TCAF1: variants seen among roughly 807,000 people sequenced by gnomAD.
TCAF1 encodes TRPM8 channel-associated factor 1.
TCAF1 carries 4 observed loss-of-function variants against 27.3 expected under a neutral mutation model. The ratio of observed to expected loss-of-function variants is 0.15; its 90% CI spans 0.07 to 0.34. TCAF1 has a LOEUF of 0.34. Among genes scored for constraint, TCAF1 ranks in the 10% least tolerant of loss-of-function variants. The pLI, the probability that TCAF1 is intolerant of heterozygous loss-of-function variation, is 1.00. For missense variants in TCAF1, 257 were observed against 425.8 expected (o/e 0.60, Z 3.49); for synonymous variants, 105 against 167.1 (o/e 0.63, Z 2.87).
At chr7:143,888,896 T>A (rs1490774739) in intron 1 of TCAF1, among the ~76,000 whole-genome samples, 1 of 152,002 alleles carries the variant, frequency 6.6e-6, no homozygotes, top group East Asian at 1.9e-4. Flanking sequence ...TCACAGAACA[T>A]AGAATAGCCA....
chr7:143,902,060 G>C lies in TCAF1; in HGVS notation c.-114C>G, dbSNP rs150993706. ...CCGCTGTTCCCTGCAGCGCGGGTTC[G>C]GGGCAGTAGCAACCTGCTAGGAGCG... On this transcript the variant is annotated 5_prime_UTR_variant, in exon 1 of 9. Coordinates refer to ENST00000479870, the MANE Select transcript of TCAF1 (RefSeq NM_014719.3). 1 of 152,454 alleles carries C rather than the reference G, an allele frequency of 6.6e-6. No individual in the cohort carries two copies. The highest frequency in any genetic ancestry group is 1.5e-5 in the Non-Finnish European group (1 of 68,118). 9.4% of individuals were successfully genotyped at this position (152,454 alleles called of 1,614,324 possible).
At chr7:143,872,074 C>T (rs1250118111) in intron 2 of TCAF1, among the ~76,000 whole-genome samples, 2 of 67,876 alleles carry the variant, frequency 2.9e-5, no homozygotes, top group Non-Finnish European at 6.1e-5. Context: ...TTAGACAAAG[C>T]CAAACTGAAG....
intron 1 of TCAF1, among the ~76,000 whole-genome samples, chr7:143,897,551 A>AG (rs1437826755): frequency 1.3e-5 from 2 of 152,056 alleles, no homozygotes; most frequent in African/African-American, 4.8e-5. Flanking sequence ...TTCAATTCTG[A>AG]GGGGGGTCAG....
At chr7:143,872,614 TATA>T (rs1325633624) in intron 2 of TCAF1, among the ~76,000 whole-genome samples, 4 of 51,814 alleles carry the variant, frequency 7.7e-5, no homozygotes, top group African/African-American at 2.6e-4. Context: ...TAAAGGTAGC[TATA>T]ATAATGATAC....
At chr7:143,893,837 T>C (rs1157301013) in intron 1 of TCAF1, among the ~76,000 whole-genome samples, 1 of 151,712 alleles carries the variant, frequency 6.6e-6, no homozygotes, top group Non-Finnish European at 1.5e-5. Flanking sequence ...AGGGAAAGAC[T>C]GAAAGTAAAC....
intron 1 of TCAF1, among the ~76,000 whole-genome samples, chr7:143,883,360 A>G (rs1338903646): frequency 1.3e-5 from 2 of 151,926 alleles, no homozygotes; most frequent in Non-Finnish European, 2.9e-5. Flanking sequence ...GGAGAGGTGC[A>G]ACTTTTTATA....
intron 1 of TCAF1, among the ~76,000 whole-genome samples, chr7:143,887,091 TTTC>T (rs1331499872): frequency 3.9e-5 from 6 of 152,126 alleles, no homozygotes; most frequent in African/African-American, 1.4e-4. Flanking sequence ...TGCTGGATCC[TTTC>T]TTATTTCTAC....
chr7:143,876,251 CT>C lies in TCAF1; in HGVS notation c.357del (p.Asp120ThrfsTer15). 2 of 1,614,216 alleles carry C rather than the reference CT, an allele frequency of 1.2e-6. No individual in the cohort carries two copies. The highest frequency in any genetic ancestry group is 1.7e-6 in the Non-Finnish European group (2 of 1,180,040). ...GVDAKVEPEV[K>X]DSLGVYCIDA... ...TCAATACAGTAAACCCCCAGGGAGT[CT>C]TTCACTTCTGGCTCAACCTTTGCAT... On this transcript the variant is annotated frameshift_variant, in exon 2 of 9. Transcript: ENST00000479870. LOFTEE classifies it high-confidence loss of function.
At chr7:143,879,141 A>G (rs1812878009) in intron 1 of TCAF1, among the ~76,000 whole-genome samples, 1 of 152,002 alleles carries the variant, frequency 6.6e-6, no homozygotes. Context: ...TATCTTCCTA[A>G]TCTCTTTCCA....
intron 2 of TCAF1, among the ~76,000 whole-genome samples, chr7:143,865,179 A>T (rs1812122637): frequency 1.8e-5 from 1 of 54,850 alleles, no homozygotes; most frequent in Non-Finnish European, 4.5e-5. Flanking sequence ...TTTTAATTTA[A>T]TGGAGAAGGG....
At chr7:143,859,902 TAA>T in intron 6 of TCAF1, among the ~76,000 whole-genome samples, 1 of 44,122 alleles carries the variant, frequency 2.3e-5, no homozygotes, top group East Asian at 4.5e-4. Flanking sequence ...ATATATTATA[TAA>T]TATATATTAC....
intron 1 of TCAF1, among the ~76,000 whole-genome samples, chr7:143,880,177 C>G (rs991386228): frequency 6.6e-6 from 1 of 152,188 alleles, no homozygotes; most frequent in Non-Finnish European, 1.5e-5. Context: ...CATTACTACA[C>G]GTGATTTCTG....
At chr7:143,859,931 A>AC (rs1811835707) in intron 6 of TCAF1, among the ~76,000 whole-genome samples, 10 of 89,422 alleles carry the variant, frequency 1.1e-4, no homozygotes, top group Non-Finnish European at 1.7e-4. Context: ...TATATTATAT[A>AC]ATATATATTA....
chr7:143,887,160 C>T (rs1489039958), intron 1 of TCAF1, among the ~76,000 whole-genome samples: 5 of 152,024 alleles, frequency 3.3e-5, no homozygotes, highest in Non-Finnish European at 7.4e-5. Flanking sequence ...CTCTGAGTAA[C>T]GAAGACTGCT....
intron 2 of TCAF1, among the ~76,000 whole-genome samples, chr7:143,875,054 C>G (rs575157737): frequency 6.6e-6 from 1 of 152,248 alleles, no homozygotes; most frequent in East Asian, 1.9e-4. Context: ...TAAAACTTCC[C>G]TAAAAGTCCC....
intron 1 of TCAF1, among the ~76,000 whole-genome samples, chr7:143,900,272 G>T (rs1427112940): frequency 1.3e-5 from 2 of 151,954 alleles, no homozygotes; most frequent in Admixed American, 6.6e-5. Context: ...TGGGCCTAGG[G>T]ACTCACTTCT....
chr7:143,859,913 A>C (rs1311571251), intron 6 of TCAF1, among the ~76,000 whole-genome samples: 5 of 38,642 alleles, frequency 1.3e-4, no homozygotes, highest in Middle Eastern at 0.01. Context: ...AATATATATT[A>C]CGGAATATAT....
intron 1 of TCAF1, among the ~76,000 whole-genome samples, chr7:143,887,652 C>T (rs572716203): frequency 6.6e-6 from 1 of 152,288 alleles, no homozygotes; most frequent in South Asian, 2.1e-4. Context: ...TACTCAAATC[C>T]TATCCTCCCT....
At position 143,876,093 on chromosome 7, in the gene TCAF1, C is replaced by G. The variant is rs149240169; in HGVS notation, c.516G>C (p.Gly172=). The stretch of plus-strand genomic sequence containing the variant: ...TGCCAGCCACACTGGTCACGAGGTT[C>G]CCAGGGAACGTGAACAGAACCCTTT... ...EDERVLFTFP[G]NLVTSVAGIY... is the part of the protein sequence containing the mutation. The change falls in exon 2 of 9, where the codon GGG becomes GGC. Residue 172 remains glycine (G), a synonymous_variant. Transcript: ENST00000479870. The G allele has an allele frequency of 8.1e-6, 13 of 1,613,758 alleles. No homozygotes were observed. The African/African-American group carries it at 1.5e-4, about 18-fold the overall frequency.
Sources: gnomAD v4.1 joint callset for allele counts (sites outside exome capture counted in the v4.1 genomes callset) on GRCh38, gnomAD v4.1.1 for gene constraint, MANE v1.5 for transcripts, NCBI Gene and HGNC (gene_info 2026-07-23, HGNC 2026-07-21) for gene names.